The following ENOX2 variants were observed in gnomAD, a reference collection of about 807,000 sequenced individuals.
ENOX2 encodes the protein ecto-NOX disulfide-thiol exchanger 2, also known as APK1 antigen.
A neutral mutation model predicts 45.0 loss-of-function variants in ENOX2; 36 were observed. The observed-to-expected ratio is 0.80, with a 90% CI of 0.61 to 1.06. The LOEUF is 1.06. Among genes scored for constraint, ENOX2 ranks in the 50% least tolerant of loss-of-function variants. ENOX2 has a pLI of 0.00. For synonymous variants in ENOX2, 174 were observed against 152.3 expected (o/e 1.14, Z -1.05); for missense variants, 423 against 462.5 (o/e 0.91, Z 0.78).
At chrX:130,735,290 G>T (rs1311740195) in intron 3 of ENOX2, among the ~76,000 whole-genome samples, 1 of 112,140 alleles carries the variant, frequency 8.9e-6, no homozygotes, top group East Asian at 2.8e-4. Context: ...TTTAAATAGA[G>T]CCTTCCAGTT....
rs375475794 is a variant in ENOX2, at chrX:130,625,334, C to T, written c.1726G>A (p.Glu576Lys). The change falls in exon 15 of 15, where the codon GAG (glutamate) becomes AAG (lysine). Residue 576 changes from glutamate (E) to lysine (K), a missense_variant. Glu to Lys is a moderately conservative substitution (Grantham distance 56, BLOSUM62 1). This residue lies in a region of ENOX2 where 34 missense variants were observed against 31.3 expected (regional missense o/e 1.09). Coordinates refer to ENST00000394363, the MANE Select transcript of ENOX2 (RefSeq NM_006375.4). ...GAGATTTAGGTCAGCTTCAAGCCCT[C>T]GAAGCCACAGAATTTCCATCTCTTT... Reference protein sequence around the residue: ...LEKRWKFCGFEGLKLT With the variant: ...LEKRWKFCGFKGLKLT 4.1e-6 allele frequency: 5 copies of T among 1,211,172 alleles called. No homozygotes were observed. The African/African-American group carries it at 5.2e-5, about 13-fold the overall frequency.
At chrX:130,779,705 A>G (rs1362838497) in intron 3 of ENOX2, among the ~76,000 whole-genome samples, 4 of 112,087 alleles carry the variant, frequency 3.6e-5, no homozygotes, top group Non-Finnish European at 5.6e-5. Flanking sequence ...CAATTATTCA[A>G]TCAAATATGT....
At chrX:130,740,311 G>T (rs958091070) in intron 3 of ENOX2, among the ~76,000 whole-genome samples, 5 of 110,487 alleles carry the variant, frequency 4.5e-5, no homozygotes, top group Admixed American at 3.9e-4. Context: ...TGAGGCACAA[G>T]AATCACTTGA....
chrX:130,663,647 G>A (rs1281198860), intron 9 of ENOX2, among the ~76,000 whole-genome samples: 2 of 111,121 alleles, frequency 1.8e-5, no homozygotes, highest in Non-Finnish European at 3.8e-5. Context: ...AAAGGGTGGG[G>A]CCATTCAGTC....
chrX:130,816,125 C>T (rs1198978514), intron 2 of ENOX2, among the ~76,000 whole-genome samples: 1 of 111,815 alleles, frequency 8.9e-6, no homozygotes, highest in African/African-American at 3.2e-5. Flanking sequence ...ATCCTATTCT[C>T]TGATAAAACA....
At chrX:130,812,730 C>T (rs2077411420) in intron 2 of ENOX2, among the ~76,000 whole-genome samples, 1 of 111,917 alleles carries the variant, frequency 8.9e-6, no homozygotes, top group African/African-American at 3.2e-5. Flanking sequence ...GTTCATATTA[C>T]CAAGGCAATC....
intron 4 of ENOX2, among the ~76,000 whole-genome samples, chrX:130,691,151 G>T (rs887917849): frequency 9.6e-6 from 1 of 103,979 alleles, no homozygotes; most frequent in Admixed American, 1.1e-4. Context: ...TAATATCTGT[G>T]TGCCTCCATT....
chrX:130,716,139 C>T (rs1407916530), intron 3 of ENOX2, among the ~76,000 whole-genome samples: 1 of 110,809 alleles, frequency 9.0e-6, no homozygotes, highest in African/African-American at 3.3e-5. Flanking sequence ...AAAGTCATGG[C>T]AAAAATGGCA....
At chrX:130,898,543 G>T (rs2079095856) in intron 2 of ENOX2, among the ~76,000 whole-genome samples, 1 of 109,168 alleles carries the variant, frequency 9.2e-6, no homozygotes, top group South Asian at 4.0e-4. Context: ...TTTTAAACTG[G>T]GATCTGTCAC....
At position 130,835,087 on chromosome X, in the gene ENOX2, A is replaced by G. The variant is rs1010633159; in HGVS notation, c.-182-51397T>C. 4.5e-5 allele frequency among the ~76,000 whole-genome samples: 5 copies of G among 111,758 alleles called. No individual in the cohort carries two copies. The Admixed American group carries it at 4.8e-4, about 11-fold the overall frequency. On this transcript the variant is annotated intron_variant, in intron 2 of 14. Transcript: ENST00000394363. Reference sequence around the variant, plus strand: ...AAATCAGGCTGCAATTAACTTAGAAAAAAAACAGATACACTAGACTCAGTC... The same window carrying G: ...AAATCAGGCTGCAATTAACTTAGAAGAAAAACAGATACACTAGACTCAGTC...
intron 12 of ENOX2, 80 bp downstream of exon 12, chrX:130,634,904 C>T: frequency 1.9e-6 from 1 of 524,530 alleles, no homozygotes; most frequent in Non-Finnish European, 3.1e-6. Context: ...ATTTCTAGGG[C>T]ATAACTTCCA....
At chrX:130,711,977 T>C (rs2038205842) in intron 3 of ENOX2, among the ~76,000 whole-genome samples, 1 of 111,361 alleles carries the variant, frequency 9.0e-6, no homozygotes, top group Non-Finnish European at 1.9e-5. Flanking sequence ...GCACATACCC[T>C]ACATTTATGA....
chrX:130,652,346 TC>T (rs1409769305), intron 10 of ENOX2, among the ~76,000 whole-genome samples: 3 of 112,124 alleles, frequency 2.7e-5, no homozygotes, highest in African/African-American at 6.5e-5. Flanking sequence ...TTGTGGATAG[TC>T]CCCCAAATTC....
intron 13 of ENOX2, among the ~76,000 whole-genome samples, chrX:130,630,964 A>AAAACAAACAAACAAACAAAC (rs76578446): frequency 1.0e-5 from 1 of 99,875 alleles, no homozygotes; most frequent in African/African-American, 3.7e-5. Context: ...TCTGGAGGTT[A>AAAACAAACAAACAAACAAAC]AAACAAACAA....
Position 130,870,961 on chromosome X carries a change from A to T in ENOX2, c.-183+30723T>A, listed in dbSNP as rs768568326. Among the ~76,000 whole-genome samples the T allele has an allele frequency of 4.6e-5, 5 of 108,546 alleles. No homozygotes were observed. In the South Asian group the frequency reaches 2.0e-3, roughly 44 times the overall value. 94.3% of individuals were successfully genotyped at this position (108,546 alleles called of 115,157 possible). A position where few individuals can be genotyped will look rare whatever the true frequency, so the allele number is the denominator to read the frequency against. On this transcript the variant is annotated intron_variant, in intron 2 of 14. Coordinates refer to ENST00000394363, the MANE Select transcript of ENOX2 (RefSeq NM_006375.4). ...GAGAGAGACAGAGAGAGAGAGAGAG[A>T]GCTTCTATATTTTCTTCAATGTTAC...
chrX:130,701,679 TG>T (rs1435286929), intron 4 of ENOX2, among the ~76,000 whole-genome samples: 2 of 111,519 alleles, frequency 1.8e-5, no homozygotes, highest in Non-Finnish European at 3.8e-5. Context: ...GAAACAGGCT[TG>T]GAAGCCAAGC....
intron 10 of ENOX2, among the ~76,000 whole-genome samples, chrX:130,652,201 T>G (rs928230506): frequency 1.8e-5 from 2 of 112,224 alleles, no homozygotes; most frequent in Non-Finnish European, 3.8e-5. Context: ...CATCTGTTAA[T>G]GTCAATGACT....
chrX:130,633,325 G>A (rs186154497), intron 12 of ENOX2, among the ~76,000 whole-genome samples: 177 of 112,535 alleles, frequency 1.6e-3, no homozygotes, highest in African/African-American at 5.2e-3. Context: ...GCAGTCTAAT[G>A]TGATGGTACT....
Position 130,623,625 on chromosome X carries a change from G to A in ENOX2, c.*1689C>T, listed in dbSNP as rs1016611279. ...TTAAAATTAGGTATTCCAAGAGCCC[G>A]AGACTGATGAATCAAAGCCTTCCGT... On this transcript the variant is annotated 3_prime_UTR_variant, in exon 15 of 15. Transcript: ENST00000394363. The A allele has an allele frequency of 2.7e-5, 3 of 111,894 alleles. No individual in the cohort carries two copies. Among genetic ancestry groups the A allele is most frequent in the Non-Finnish European group, 5.6e-5 (3 of 53,233 alleles). 9.2% of individuals were successfully genotyped at this position (111,894 alleles called of 1,213,427 possible). A position where few individuals can be genotyped will look rare whatever the true frequency, so the allele number is the denominator to read the frequency against.
Sources: allele counts gnomAD v4.1 joint callset (sites outside exome capture counted in the v4.1 genomes callset), GRCh38; gene constraint gnomAD v4.1.1; regional missense constraint gnomAD v4.1.1; transcripts MANE v1.5; gene names NCBI Gene and HGNC (gene_info 2026-07-23, HGNC 2026-07-21).